MYO16: variants seen among roughly 807,000 people sequenced by gnomAD.
MYO16 encodes unconventional myosin-XVI.
Under a neutral mutation model 205.3 loss-of-function variants are expected in MYO16, and 94 were observed. The ratio of observed to expected loss-of-function variants is 0.46; its 90% CI spans 0.39 to 0.54. MYO16 has a LOEUF of 0.54. MYO16 is among the 20% of genes least tolerant of loss of function. MYO16 has a pLI of 0.00. For synonymous variants in MYO16, 988 were observed against 954.0 expected, an observed-to-expected ratio of 1.04 and a Z score of -0.66; for missense variants, 2,315 against 2,387.5, an observed-to-expected ratio of 0.97 and a Z score of 0.63.
rs1462811047 is a variant in MYO16 at position 108,855,523 on chromosome 13, T to A, written c.1329T>A (p.Ile443=). ...ATGATGGCAGCCTGCTCTATGAGAT[T>A]CAGAAGCGCTTTGGGAACAATCAGA... The part of the protein sequence containing the change: ...ELNDGSLLYE[I]QKRFGNNQIY... Residue 443 remains isoleucine, a synonymous_variant, in exon 11 of 35, where the codon ATT becomes ATA. Coordinates refer to ENST00000457511, the MANE Select transcript of MYO16 (RefSeq NM_001198950.3). The A allele has an allele frequency of 1.3e-6, 2 of 1,594,028 alleles. No homozygotes were observed. The highest frequency in any genetic ancestry group is 2.7e-5 in the African/African-American group (2 of 74,842).
At chr13:108,866,129 G>A (rs906573242) in intron 11 of MYO16, 48 bp from the exon 12 acceptor site, 11 of 1,155,740 alleles carry the variant, frequency 9.5e-6, no homozygotes, top group Non-Finnish European at 1.3e-5. Context: ...ATTGTTTAAA[G>A]ATGCTATTTA....
intron 32 of MYO16, among the ~76,000 whole-genome samples, chr13:109,159,696 C>A (rs74119875): frequency 1.3e-5 from 2 of 151,920 alleles, no homozygotes; most frequent in Non-Finnish European, 2.9e-5. Flanking sequence ...ACTGACCTGG[C>A]GAGGAAGACA....
the MYO16 span, among the ~76,000 whole-genome samples, chr13:108,571,301 G>GAAA: frequency 7.9e-6 from 1 of 127,164 alleles, no homozygotes; most frequent in Non-Finnish European, 1.7e-5. Flanking sequence ...GCCCTGGGAT[G>GAAA]AAAAAAAAAA....
At chr13:109,101,010 C>T (rs1297773262) in intron 28 of MYO16, 123 bp downstream of exon 28, 3 of 764,906 alleles carry the variant, frequency 3.9e-6, no homozygotes, top group African/African-American at 1.7e-5. Context: ...TTTGGCAAGG[C>T]GTGACATTAA....
chr13:108,534,942 TTTC>T, the MYO16 span, among the ~76,000 whole-genome samples: 3 of 150,582 alleles, frequency 2.0e-5, no homozygotes, highest in Admixed American at 6.6e-5. Flanking sequence ...TCCTCTCTTC[TTTC>T]TTCTTCCTCC....
chr13:108,721,755 A>G (rs530587527), intron 3 of MYO16, among the ~76,000 whole-genome samples: 3 of 151,622 alleles, frequency 2.0e-5, no homozygotes, highest in Admixed American at 6.6e-5. Flanking sequence ...GTGGAAGAAT[A>G]AGTTTCCCTA....
chr13:108,714,582 GTGTGTGTGTC>G (rs1179588415), intron 3 of MYO16, among the ~76,000 whole-genome samples: 278 of 143,054 alleles, frequency 1.9e-3, no homozygotes, highest in African/African-American at 5.0e-3. Flanking sequence ...ACTTCTTCAC[GTGTGTGTGTC>G]TGTGTGTGTG....
intron 6 of MYO16, among the ~76,000 whole-genome samples, chr13:108,801,904 T>A (rs1318731937): frequency 2.6e-5 from 4 of 152,228 alleles, no homozygotes; most frequent in Non-Finnish European, 4.4e-5. Context: ...AAATATTAAC[T>A]GTATTTGAAT....
intron 4 of MYO16, among the ~76,000 whole-genome samples, chr13:108,769,503 GA>G (rs1885891361): frequency 6.6e-6 from 1 of 152,310 alleles, no homozygotes; most frequent in East Asian, 1.9e-4. Context: ...TTTTGACTGA[GA>G]GGGGGAGGCA....
chr13:108,622,569 C>A (rs966528423), intron 1 of MYO16, among the ~76,000 whole-genome samples: 3 of 150,290 alleles, frequency 2.0e-5, no homozygotes, highest in East Asian at 2.0e-4. Context: ...TCTGAGAAGT[C>A]CTTCCAGTTA....
chr13:108,806,214 T>C (rs546113707), intron 6 of MYO16, among the ~76,000 whole-genome samples: 1 of 152,340 alleles, frequency 6.6e-6, no homozygotes, highest in South Asian at 2.1e-4. Context: ...TCAGTGTTTC[T>C]GTGCCTTTTA....
chr13:108,918,666 C>T (rs1881607245), intron 16 of MYO16, among the ~76,000 whole-genome samples: 1 of 152,128 alleles, frequency 6.6e-6, no homozygotes, highest in Non-Finnish European at 1.5e-5. Flanking sequence ...TGGTCTGATG[C>T]TATGGCTCAC....
chr13:108,874,696 C>CATCATT (rs1555307948), intron 12 of MYO16, among the ~76,000 whole-genome samples: 15,581 of 106,206 alleles, frequency 0.15, 877 homozygotes, highest in Non-Finnish European at 0.19. Context: ...TCATCATCAT[C>CATCATT]ATTATTATTA....
chr13:108,593,460 C>T (rs1878456939), upstream of MYO16, among the ~76,000 whole-genome samples: 1 of 152,144 alleles, frequency 6.6e-6, no homozygotes, highest in African/African-American at 2.4e-5. Flanking sequence ...TTCACCTGGA[C>T]GCACCTGAGA....
chr13:109,118,922 A>G (rs1875852527), intron 28 of MYO16, among the ~76,000 whole-genome samples: 1 of 152,196 alleles, frequency 6.6e-6, no homozygotes, highest in Non-Finnish European at 1.5e-5. Context: ...ACTAAACTAA[A>G]TGAAGAAGAA....
intron 20 of MYO16, among the ~76,000 whole-genome samples, chr13:108,987,356 G>C (rs1884676275): frequency 6.6e-6 from 1 of 152,134 alleles, no homozygotes; most frequent in Non-Finnish European, 1.5e-5. Flanking sequence ...ACCCCCAAAA[G>C]TATGCAATCC....
intron 4 of MYO16, among the ~76,000 whole-genome samples, chr13:108,746,884 A>G (rs1487725585): frequency 6.6e-6 from 1 of 152,188 alleles, no homozygotes; most frequent in East Asian, 1.9e-4. Flanking sequence ...ATACCAAACA[A>G]AAAGGGAAAA....
chr13:108,900,122 A>G (rs1352574949), intron 15 of MYO16, among the ~76,000 whole-genome samples: 2 of 152,076 alleles, frequency 1.3e-5, no homozygotes, highest in Non-Finnish European at 2.9e-5. Context: ...GTCATCCATT[A>G]CTAACATTTT....
chr13:108,590,311 A>T, the MYO16 span, among the ~76,000 whole-genome samples: 7 of 152,196 alleles, frequency 4.6e-5, no homozygotes, highest in African/African-American at 1.4e-4. Context: ...GGGAAGTTTT[A>T]AAGAGTAGTA....
Sources: allele counts gnomAD v4.1 joint callset (sites outside exome capture counted in the v4.1 genomes callset), GRCh38; gene constraint gnomAD v4.1.1; transcripts MANE v1.5; gene names NCBI Gene and HGNC (gene_info 2026-07-23, HGNC 2026-07-21).